Variants in DENND1A observed in about 807,000 individuals in gnomAD.
The protein encoded by DENND1A is DENN domain-containing protein 1A.
In DENND1A, 51 loss-of-function variants were observed where a neutral mutation model predicts 113.7. That is an observed-to-expected ratio of 0.45 (90% confidence interval 0.36 to 0.57). The LOEUF is 0.57. DENND1A is among the 20% of genes least tolerant of loss of function. DENND1A has a pLI of 0.00. For missense variants in DENND1A, 1,258 were observed against 1,395.9 expected (o/e 0.90, Z 1.57); for synonymous variants, 565 against 570.8 (o/e 0.99, Z 0.14).
At chr9:123,588,633 A>AAGGG (rs1554894950) in intron 11 of DENND1A, among the ~76,000 whole-genome samples, 2 of 86,446 alleles carry the variant, frequency 2.3e-5, no homozygotes, top group African/African-American at 4.3e-5. Flanking sequence ...AAAAAAAAAA[A>AAGGG]GGGGGGGGGG....
chr9:123,747,056 A>C (rs574293239), intron 5 of DENND1A, among the ~76,000 whole-genome samples: 7 of 151,934 alleles, frequency 4.6e-5, no homozygotes, highest in African/African-American at 1.7e-4. Context: ...TTTGTTTTTT[A>C]ACCACTTAAA....
intron 5 of DENND1A, among the ~76,000 whole-genome samples, chr9:123,711,711 G>A (rs1025059881): frequency 6.6e-6 from 1 of 151,388 alleles, no homozygotes; most frequent in Non-Finnish European, 1.5e-5. Context: ...CTGTATCCCA[G>A]CCACATTCTT....
chr9:123,770,666 C>G (rs536717453), intron 3 of DENND1A, among the ~76,000 whole-genome samples: 17 of 152,204 alleles, frequency 1.1e-4, no homozygotes, highest in Non-Finnish European at 1.5e-4. Context: ...TATTTAAAAT[C>G]CCAACTTCAA....
intron 2 of DENND1A, among the ~76,000 whole-genome samples, chr9:123,856,481 T>A (rs1420229600): frequency 2.0e-5 from 3 of 152,118 alleles, no homozygotes; most frequent in Non-Finnish European, 4.4e-5. Flanking sequence ...GGTGTCAGTG[T>A]CAACGCAGTT....
intron 21 of DENND1A, among the ~76,000 whole-genome samples, chr9:123,389,098 A>G (rs2042711192): frequency 6.6e-6 from 1 of 152,240 alleles, no homozygotes; most frequent in African/African-American, 2.4e-5. Context: ...TGTCCAAAAA[A>G]AGGACATGAG....
chr9:123,644,402 A>AC (rs1491547252), intron 9 of DENND1A, among the ~76,000 whole-genome samples: 2 of 143,898 alleles, frequency 1.4e-5, no homozygotes, highest in East Asian at 2.0e-4. Flanking sequence ...AAAAAAAAAA[A>AC]CCTCTAAGTA....
At chr9:123,498,713 GTCTC>G (rs199500294) in intron 13 of DENND1A, among the ~76,000 whole-genome samples, 11,011 of 150,776 alleles carry the variant, frequency 0.073, 421 homozygotes, top group Admixed American at 0.091. Flanking sequence ...CACTTAACCA[GTCTC>G]TCTCTCTCTT....
intron 9 of DENND1A, among the ~76,000 whole-genome samples, chr9:123,637,973 A>C (rs922320032): frequency 7.5e-6 from 1 of 133,748 alleles, no homozygotes; most frequent in Non-Finnish European, 1.6e-5. Context: ...ACACACACAC[A>C]CCAAAAAAAC....
chr9:123,382,422 G>A lies in DENND1A; in HGVS notation c.2223C>T (p.Ile741=). 6.2e-7 allele frequency: 1 copy of A among 1,606,744 alleles called. No homozygotes were observed. The highest frequency in any genetic ancestry group is 1.1e-5 in the South Asian group (1 of 90,122). Residue 741 remains isoleucine, a synonymous_variant, in exon 24 of 24, where the codon ATC becomes ATT. Coordinates refer to ENST00000394215, the MANE Select transcript of DENND1A (RefSeq NM_001352964.2). Reference sequence around the variant, plus strand: ...CCTCCTCCTTGTCACTGGGGTTCAGGATGCTGTCCCGGTTCTGGGGCCTTC... The same window carrying A: ...CCTCCTCCTTGTCACTGGGGTTCAGAATGCTGTCCCGGTTCTGGGGCCTTC... ...LPRRPQNRDS[I]LNPSDKEEVP...
At position 123,851,660 on chromosome 9, in the gene DENND1A, C is replaced by T. The variant is rs183122686; in HGVS notation, c.88+27291G>A. Among the ~76,000 whole-genome samples the T allele has an allele frequency of 8.5e-5, 13 of 152,204 alleles. No homozygotes were observed. In the East Asian group the frequency reaches 2.1e-3, roughly 25 times the overall value. On this transcript the variant is annotated intron_variant, in intron 2 of 23. Coordinates refer to ENST00000394215, the MANE Select transcript of DENND1A (RefSeq NM_001352964.2). ...CACTAGAAAACCAAAGTAGAAAAGG[C>T]GGGCTTATCTCAAAGACATTTGTGG...
chr9:123,588,398 C>G (rs2059291634), intron 11 of DENND1A, among the ~76,000 whole-genome samples: 1 of 151,292 alleles, frequency 6.6e-6, no homozygotes, highest in Admixed American at 6.6e-5. Flanking sequence ...GCGGGTGGAT[C>G]ACCTGAGGTC....
chr9:123,847,320 C>T (rs777427005), intron 2 of DENND1A, among the ~76,000 whole-genome samples: 1 of 151,348 alleles, frequency 6.6e-6, no homozygotes, highest in Non-Finnish European at 1.5e-5. Flanking sequence ...GTAATCAAAG[C>T]TCCAAAAAAA....
At chr9:123,503,366 C>T (rs948486327) in intron 13 of DENND1A, among the ~76,000 whole-genome samples, 3 of 152,218 alleles carry the variant, frequency 2.0e-5, no homozygotes, top group African/African-American at 7.2e-5. Context: ...GCCCCTGGCA[C>T]TGGTATGCCC....
intron 13 of DENND1A, among the ~76,000 whole-genome samples, chr9:123,512,341 G>A (rs375495038): frequency 4.6e-5 from 7 of 152,218 alleles, no homozygotes; most frequent in African/African-American, 1.7e-4. Context: ...TGCTGGCTTC[G>A]AGGGGGAGCG....
chr9:123,909,135 G>C (rs1853460832), intron 1 of DENND1A, among the ~76,000 whole-genome samples: 1 of 152,050 alleles, frequency 6.6e-6, no homozygotes, highest in Non-Finnish European at 1.5e-5. Flanking sequence ...ACTCATAGGT[G>C]GGAAATGAAC....
At chr9:123,715,730 G>A (rs2066928214) in intron 5 of DENND1A, among the ~76,000 whole-genome samples, 1 of 152,078 alleles carries the variant, frequency 6.6e-6, no homozygotes, top group African/African-American at 2.4e-5. Flanking sequence ...CCATGGCCCA[G>A]CATGGAGTGT....
intron 3 of DENND1A, among the ~76,000 whole-genome samples, chr9:123,785,490 A>AT (rs11386804): frequency 0.16 from 24,170 of 151,734 alleles, 3,432 homozygotes; most frequent in African/African-American, 0.38. Context: ...GTGATAGACT[A>AT]TTTTTTTTTA....
intron 13 of DENND1A, among the ~76,000 whole-genome samples, chr9:123,555,380 A>T (rs956767102): frequency 6.6e-6 from 1 of 152,234 alleles, no homozygotes; most frequent in South Asian, 2.1e-4. Context: ...AGGCTCCGCC[A>T]AATTTGGCTC....
intron 12 of DENND1A, among the ~76,000 whole-genome samples, chr9:123,566,610 A>T (rs2058065616): frequency 6.6e-6 from 1 of 152,184 alleles, no homozygotes; most frequent in South Asian, 2.1e-4. Context: ...TAAGCTATCA[A>T]ATCCTTAGAA....
Sources: allele counts gnomAD v4.1 joint callset (sites outside exome capture counted in the v4.1 genomes callset), GRCh38; gene constraint gnomAD v4.1.1; transcripts MANE v1.5; gene names NCBI Gene and HGNC (gene_info 2026-07-23, HGNC 2026-07-21).